Variants in RCAN2 observed in about 807,000 individuals in gnomAD.
The protein encoded by RCAN2 is regulator of calcineurin 2.
In RCAN2, 9 loss-of-function variants were observed where a neutral mutation model predicts 23.6. The observed-to-expected ratio is 0.38, with a 90% CI of 0.23 to 0.67. The LOEUF is 0.67. RCAN2 is among the 30% of genes least tolerant of loss of function. The probability of loss-of-function intolerance (pLI) is 0.51; values close to 1 mark genes in which losing one functional copy is unlikely to be tolerated. For missense variants in RCAN2, 273 were observed against 302.3 expected, an observed-to-expected ratio of 0.90 and a Z score of 0.72; for synonymous variants, 109 against 115.7, an observed-to-expected ratio of 0.94 and a Z score of 0.37.
intron 1 of RCAN2, among the ~76,000 whole-genome samples, chr6:46,479,260 A>C (rs1379651919): frequency 6.6e-6 from 1 of 152,240 alleles, no homozygotes; most frequent in Non-Finnish European, 1.5e-5. Flanking sequence ...TTTTCAGGAA[A>C]AACAATTTAG....
intron 2 of RCAN2, among the ~76,000 whole-genome samples, chr6:46,330,857 C>T (rs1763944960): frequency 6.6e-6 from 1 of 152,144 alleles, no homozygotes; most frequent in African/African-American, 2.4e-5. Flanking sequence ...TGTAGTTTAA[C>T]AGATTTTTCT....
At chr6:46,265,298 T>C (rs1318348007) in intron 2 of RCAN2, among the ~76,000 whole-genome samples, 4 of 152,170 alleles carry the variant, frequency 2.6e-5, no homozygotes, top group Non-Finnish European at 5.9e-5. Context: ...TGTGTGTATA[T>C]GTGTGTGTGT....
At chr6:46,305,803 CTTAG>C (rs1164514523) in intron 2 of RCAN2, among the ~76,000 whole-genome samples, 3 of 151,948 alleles carry the variant, frequency 2.0e-5, no homozygotes, top group Non-Finnish European at 2.9e-5. Context: ...AAGCACTGAA[CTTAG>C]TTAAACCAAT....
At chr6:46,375,039 T>TGGCATTACAGCCAGCAGCCCAGTAGCC (rs1019797266) in intron 2 of RCAN2, among the ~76,000 whole-genome samples, 14 of 152,188 alleles carry the variant, frequency 9.2e-5, no homozygotes, top group Middle Eastern at 3.4e-3. Flanking sequence ...TCCCAGTAGC[T>TGGCATTACAGCCAGCAGCCCAGTAGCC]GGCATTACAG....
intron 2 of RCAN2, among the ~76,000 whole-genome samples, chr6:46,446,507 G>A (rs1022286177): frequency 1.3e-5 from 2 of 152,086 alleles, no homozygotes; most frequent in African/African-American, 4.8e-5. Context: ...GTCAAGCATA[G>A]GAAAGTATAA....
chr6:46,369,305 A>T (rs973411291), intron 2 of RCAN2, among the ~76,000 whole-genome samples: 19 of 152,066 alleles, frequency 1.2e-4, no homozygotes, highest in African/African-American at 2.4e-4. Flanking sequence ...TAACTTTTTT[A>T]AAAAAATAGG....
rs186233138 is a variant in RCAN2, at chr6:46,298,517, T to C, written c.226-49621A>G. 8.1e-4 allele frequency among the ~76,000 whole-genome samples: 123 copies of C among 152,238 alleles called. 1 individual carries two copies. Among genetic ancestry groups the C allele is most frequent in the Middle Eastern group, 3.4e-3 (1 of 294 alleles). ...GTTACCAGTACTTATGCTAAACCAA[T>C]AATTTTTCAGATTTTGGTAAACCTT... On this transcript the variant is annotated intron_variant, in intron 2 of 4. Transcript: ENST00000371374.
intron 2 of RCAN2, among the ~76,000 whole-genome samples, chr6:46,386,424 C>A (rs1765752790): frequency 6.6e-6 from 1 of 151,214 alleles, no homozygotes; most frequent in Non-Finnish European, 1.5e-5. Context: ...CATGGCAAAA[C>A]CCCGTCTCTA....
chr6:46,469,343 G>C (rs1768487837), intron 1 of RCAN2, among the ~76,000 whole-genome samples: 1 of 152,152 alleles, frequency 6.6e-6, no homozygotes, highest in African/African-American at 2.4e-5. Context: ...AAAACAAACT[G>C]AAACCTTTAT....
At chr6:46,245,857 C>T (rs940853244) in intron 4 of RCAN2, among the ~76,000 whole-genome samples, 2 of 152,146 alleles carry the variant, frequency 1.3e-5, no homozygotes. Context: ...ACATAATGGC[C>T]ATTAGTTACC....
In RCAN2 at chr6:46,223,284, G is replaced by A; in HGVS notation, c.589C>T (p.His197Tyr). The part of the protein sequence containing the change: ...KLGPGEKYEL[H>Y]AGTESTPSVV... ...CTTGGGGTGGACTCAGTCCCTGCAT[G>A]GAGCTCATACTTCTCTCCTGAAAAG... The change falls in exon 5 of 5, where the codon CAT becomes TAT. Residue 197 changes from histidine (H) to tyrosine (Y), a missense_variant. Physicochemically the swap from His to Tyr is moderately conservative, Grantham distance 83. Coordinates refer to ENST00000371374, the MANE Select transcript of RCAN2 (RefSeq NM_001251974.2). 1 of 1,613,712 alleles carries A rather than the reference G, an allele frequency of 6.2e-7. No individual in the cohort carries two copies.
At chr6:46,246,954 A>G in intron 3 of RCAN2, 35 bp from the exon 4 acceptor site, 1 of 1,471,138 alleles carries the variant, frequency 6.8e-7, no homozygotes, top group Non-Finnish European at 9.1e-7. Context: ...AAACTTATTC[A>G]TCATGGCTTC....
chr6:46,476,263 T>C (rs1178619360), intron 1 of RCAN2, among the ~76,000 whole-genome samples: 1 of 152,088 alleles, frequency 6.6e-6, no homozygotes, highest in Non-Finnish European at 1.5e-5. Flanking sequence ...TCCATCCCAC[T>C]AGGCCAAAAT....
intron 2 of RCAN2, chr6:46,325,472 G>T (rs773526837): frequency 1.4e-5 from 23 of 1,613,884 alleles, no homozygotes; most frequent in Non-Finnish European, 3.4e-6. Flanking sequence ...CATGCTAGGG[G>T]CTGGCATTCC....
rs143025104 is a variant in RCAN2 at position 46,274,531 on chromosome 6, C to G, written c.226-25635G>C. Among the ~76,000 whole-genome samples the G allele has an allele frequency of 2.6e-5, 4 of 152,244 alleles. No individual in the cohort carries two copies. In the East Asian group the frequency reaches 7.7e-4, roughly 29 times the overall value. On this transcript the variant is annotated intron_variant, in intron 2 of 4. Coordinates refer to ENST00000371374, the MANE Select transcript of RCAN2 (RefSeq NM_001251974.2). Reference sequence around the variant, plus strand: ...TGATGTAGGTCTCTGAGTATGGGCTCTGCATCCCCCCGCCCCATCTTGGTC... The same window carrying G: ...TGATGTAGGTCTCTGAGTATGGGCTGTGCATCCCCCCGCCCCATCTTGGTC...
At chr6:46,470,993 C>A (rs919370528) in intron 1 of RCAN2, among the ~76,000 whole-genome samples, 2 of 152,348 alleles carry the variant, frequency 1.3e-5, no homozygotes, top group East Asian at 3.9e-4. Context: ...CTATCAAAAC[C>A]TGTGTAGTGT....
At chr6:46,270,176 G>A (rs889209128) in intron 2 of RCAN2, among the ~76,000 whole-genome samples, 4 of 151,950 alleles carry the variant, frequency 2.6e-5, no homozygotes, top group East Asian at 1.9e-4. Flanking sequence ...AAGCCAGGAG[G>A]AGTCAAGTGA....
At chr6:46,374,278 T>G (rs912626116) in intron 2 of RCAN2, among the ~76,000 whole-genome samples, 11 of 152,250 alleles carry the variant, frequency 7.2e-5, no homozygotes, top group Admixed American at 1.3e-4. Flanking sequence ...TGGCTTTTCA[T>G]GCTAAACAAA....
At chr6:46,328,803 G>C (rs1475301145) in intron 2 of RCAN2, among the ~76,000 whole-genome samples, 2 of 152,180 alleles carry the variant, frequency 1.3e-5, no homozygotes, top group Non-Finnish European at 2.9e-5. Context: ...AAGAGATGGG[G>C]TTTCACCATG....
Sources: gnomAD v4.1 joint callset for allele counts (sites outside exome capture counted in the v4.1 genomes callset) on GRCh38, gnomAD v4.1.1 for gene constraint, MANE v1.5 for transcripts, NCBI Gene and HGNC (gene_info 2026-07-23, HGNC 2026-07-21) for gene names.